The following ABCB7 variants were observed in gnomAD, a reference collection of about 807,000 sequenced individuals.
ABCB7 encodes ATP binding cassette subfamily B member 7.
Under a neutral mutation model 54.4 loss-of-function variants are expected in ABCB7, and 7 were observed. The observed-to-expected ratio is 0.13, with a 90% CI of 0.07 to 0.24. The LOEUF (loss-of-function observed/expected upper bound fraction) is 0.24, where lower values mean the gene tolerates loss of function less well. Ranked by LOEUF, ABCB7 falls within the 10% of genes least tolerant of loss-of-function variation. The probability of loss-of-function intolerance (pLI) is 1.00; values close to 1 mark genes in which losing one functional copy is unlikely to be tolerated. For missense variants in ABCB7, 356 were observed against 570.4 expected (o/e 0.62, Z 3.83); for synonymous variants, 218 against 207.1 (o/e 1.05, Z -0.45).
chrX:75,111,109 A>G (rs1429958465), intron 3 of ABCB7, among the ~76,000 whole-genome samples: 2 of 111,730 alleles, frequency 1.8e-5, no homozygotes, highest in African/African-American at 3.3e-5. Flanking sequence ...CAAGCACACA[A>G]AAAGTAAAGC....
intron 1 of ABCB7, among the ~76,000 whole-genome samples, chrX:75,122,861 GGTGTGTGTGTGTGT>G (rs58879235): frequency 2.5e-4 from 23 of 93,131 alleles, no homozygotes; most frequent in Non-Finnish European, 4.4e-4. Flanking sequence ...TTAAAATTGG[GGTGTGTGTGTGTGT>G]GTGTGTGTGT....
At chrX:75,139,266 C>A (rs963168493) in intron 1 of ABCB7, among the ~76,000 whole-genome samples, 1 of 111,752 alleles carries the variant, frequency 8.9e-6, no homozygotes, top group Non-Finnish European at 1.9e-5. Context: ...TGATCTGACA[C>A]CAATTGACCT....
At chrX:75,140,881 T>A (rs757248815) in intron 1 of ABCB7, among the ~76,000 whole-genome samples, 32 of 111,820 alleles carry the variant, frequency 2.9e-4, no homozygotes, top group African/African-American at 9.1e-4. Flanking sequence ...GTTTCTCTCA[T>A]CCTTTTATAC....
At chrX:75,110,522 T>G (rs2081750375) in intron 3 of ABCB7, among the ~76,000 whole-genome samples, 1 of 112,219 alleles carries the variant, frequency 8.9e-6, no homozygotes, top group African/African-American at 3.2e-5. Context: ...ATTGCTTAAG[T>G]AAGTGAAAAT....
rs765349082 is a variant in ABCB7, at chrX:75,075,640, C to T, written c.587-10G>A. On this transcript the variant is annotated splice_polypyrimidine_tract_variant and intron_variant, in intron 5 of 15. Coordinates refer to ENST00000373394, the MANE Select transcript of ABCB7 (RefSeq NM_001271696.3). ...GCTCTTGATACACCATCTAACAATA[C>T]ATTCAAAAGAAAAAATAGGATGTAA... is the stretch of plus-strand genomic sequence containing the variant. The T allele has an allele frequency of 8.4e-7, 1 of 1,197,406 alleles. No individual in the cohort carries two copies. The highest frequency in any genetic ancestry group is 1.1e-6 in the Non-Finnish European group (1 of 884,541).
intron 1 of ABCB7, among the ~76,000 whole-genome samples, chrX:75,138,440 AT>A (rs1196455293): frequency 4.5e-5 from 5 of 111,879 alleles, no homozygotes; most frequent in Non-Finnish European, 9.4e-5. Context: ...CTGCTTTAAA[AT>A]TTTTTTCTTT....
chrX:75,082,517 G>A (rs1262436914), intron 4 of ABCB7, among the ~76,000 whole-genome samples: 3 of 111,950 alleles, frequency 2.7e-5, no homozygotes, highest in Non-Finnish European at 5.6e-5. Flanking sequence ...AATGGAAATG[G>A]TAAATATCTG....
At chrX:75,089,401 G>A (rs888544410) in intron 4 of ABCB7, among the ~76,000 whole-genome samples, 5 of 111,239 alleles carry the variant, frequency 4.5e-5, no homozygotes, top group Admixed American at 1.9e-4. Context: ...AATCACAGCA[G>A]TGTGTAAGTG....
intron 1 of ABCB7, among the ~76,000 whole-genome samples, chrX:75,116,080 C>A (rs2081815690): frequency 8.9e-6 from 1 of 111,747 alleles, no homozygotes; most frequent in African/African-American, 3.3e-5. Context: ...TGTAGAGAAT[C>A]TCCTTCCCTT....
intron 1 of ABCB7, among the ~76,000 whole-genome samples, chrX:75,151,617 A>G (rs1468566482): frequency 8.9e-6 from 1 of 112,120 alleles, no homozygotes; most frequent in African/African-American, 3.2e-5. Flanking sequence ...AACTAGGATC[A>G]CAAAGTAGAG....
chrX:75,139,044 A>G (rs1277868876), intron 1 of ABCB7, among the ~76,000 whole-genome samples: 2 of 108,266 alleles, frequency 1.8e-5, no homozygotes, highest in Non-Finnish European at 3.8e-5. Flanking sequence ...CAGGGATGTG[A>G]TACAGGGATC....
chrX:75,098,907 T>C, intron 4 of ABCB7, 35 bp downstream of exon 4: 7 of 1,209,528 alleles, frequency 5.8e-6, no homozygotes, highest in Non-Finnish European at 7.8e-6. Flanking sequence ...TAGTATTTCT[T>C]AGTTAGAGCA....
At chrX:75,059,979 C>T (rs962485190) in intron 15 of ABCB7, among the ~76,000 whole-genome samples, 5 of 111,375 alleles carry the variant, frequency 4.5e-5, no homozygotes, top group Admixed American at 9.6e-5. Context: ...CTGCTTCTAT[C>T]GTGAAGATTT....
chrX:75,062,857 T>G (rs1235093180), intron 13 of ABCB7, among the ~76,000 whole-genome samples: 1 of 111,844 alleles, frequency 8.9e-6, no homozygotes, highest in Non-Finnish European at 1.9e-5. Flanking sequence ...CATTAAACTA[T>G]GAATAACTGA....
chrX:75,093,687 G>A (rs1340312261), intron 4 of ABCB7, among the ~76,000 whole-genome samples: 1 of 108,167 alleles, frequency 9.2e-6, no homozygotes, highest in African/African-American at 3.4e-5. Flanking sequence ...GAAAAAAAGG[G>A]GGTATATATA....
intron 3 of ABCB7, among the ~76,000 whole-genome samples, chrX:75,104,320 A>G (rs1438339144): frequency 9.2e-6 from 1 of 108,517 alleles, no homozygotes; most frequent in African/African-American, 3.3e-5. Flanking sequence ...AGAACAAAAT[A>G]TAAGATTCAA....
chrX:75,060,792 T>C (rs1363513519), intron 14 of ABCB7, among the ~76,000 whole-genome samples: 2 of 111,782 alleles, frequency 1.8e-5, no homozygotes, highest in Non-Finnish European at 3.8e-5. Context: ...TTTCCTTAGT[T>C]CAAACTCAGT....
At chrX:75,133,722 C>G (rs1602406057) in intron 1 of ABCB7, among the ~76,000 whole-genome samples, 3 of 111,735 alleles carry the variant, frequency 2.7e-5, no homozygotes, top group African/African-American at 9.8e-5. Flanking sequence ...ATTTAATATC[C>G]AGCCAAACTA....
At chrX:75,155,939 GC>G (rs1445948264) in intron 1 of ABCB7, among the ~76,000 whole-genome samples, 165 bp downstream of exon 1, 14 of 110,971 alleles carry the variant, frequency 1.3e-4, no homozygotes, top group Non-Finnish European at 2.6e-4. Flanking sequence ...TTTCTTCTTC[GC>G]CCTTTCCTCA....
Sources: gnomAD v4.1 joint callset for allele counts (sites outside exome capture counted in the v4.1 genomes callset) on GRCh38, gnomAD v4.1.1 for gene constraint, MANE v1.5 for transcripts, NCBI Gene and HGNC (gene_info 2026-07-23, HGNC 2026-07-21) for gene names.